The following COQ8A variants were observed in gnomAD, a reference collection of about 807,000 sequenced individuals.
The protein encoded by COQ8A is atypical kinase COQ8A, mitochondrial.
Under a neutral mutation model 65.0 loss-of-function variants are expected in COQ8A, and 51 were observed. That is an observed-to-expected ratio of 0.78 (90% CI 0.63 to 0.99). The LOEUF (loss-of-function observed/expected upper bound fraction) is 0.99. COQ8A is among the 50% of genes least tolerant of loss of function. The pLI, the probability that COQ8A is intolerant of heterozygous loss-of-function variation, is 0.00. For missense variants in COQ8A, 940 were observed against 875.0 expected, an observed-to-expected ratio of 1.07 and a Z score of -0.94; for synonymous variants, 371 against 353.2, an observed-to-expected ratio of 1.05 and a Z score of -0.57.
chr1:226,984,036 G>C lies in COQ8A; in HGVS notation c.1257-58G>C, dbSNP rs1574184. ...TCTGCCTGGTTGGGGGGTGTGTGTGGGGGGGGGGACGGTGTGGAGGGCCTG... is the reference window on the plus strand; with the variant it reads ...TCTGCCTGGTTGGGGGGTGTGTGTGCGGGGGGGGACGGTGTGGAGGGCCTG... On this transcript the variant is annotated intron_variant, in intron 10 of 14. Transcript: ENST00000366777. 3.0e-5 allele frequency: 42 copies of C among 1,399,760 alleles called. No homozygotes were observed. The South Asian group carries it at 4.8e-4, about 16-fold the overall frequency. The allele number at this position is 1,399,760 out of a possible 1,614,324, so 86.7% of individuals were successfully genotyped here. A position where few individuals can be genotyped will look rare whatever the true frequency, so the allele number is the denominator to read the frequency against.
chr1:226,970,594 T>C lies in COQ8A; in HGVS notation c.655+4857T>C, dbSNP rs550341144. Among the ~76,000 whole-genome samples the C allele has an allele frequency of 5.2e-5, 8 of 152,392 alleles. No homozygotes were observed. In the South Asian group the frequency reaches 6.2e-4, roughly 12 times the overall value. Reference sequence around the variant, plus strand: ...CATGTTCTCTCTTTGTTAGCTCTTATGTTTTACATTCCTTTACGGTTCTTT... The same window carrying C: ...CATGTTCTCTCTTTGTTAGCTCTTACGTTTTACATTCCTTTACGGTTCTTT... On this transcript the variant is annotated intron_variant, in intron 4 of 14. Transcript: ENST00000366777.
intron 2 of COQ8A, among the ~76,000 whole-genome samples, chr1:226,963,450 C>G (rs1658377212): frequency 6.6e-6 from 1 of 152,178 alleles, no homozygotes. Context: ...CCCCACTGGC[C>G]TTGGGCTTCC....
intron 5 of COQ8A, 27 bp downstream of exon 5, chr1:226,977,550 GC>G (rs1466922685): frequency 6.5e-7 from 1 of 1,548,170 alleles, no homozygotes; most frequent in African/African-American, 1.4e-5. Flanking sequence ...AGTGGGAGGG[GC>G]AGGGTGGGCC....
intron 1 of COQ8A, among the ~76,000 whole-genome samples, chr1:226,943,174 A>G (rs1374737109): frequency 2.6e-5 from 4 of 152,246 alleles, no homozygotes; most frequent in Non-Finnish European, 5.9e-5. Flanking sequence ...AAAGAAGGCT[A>G]TTATTGGGAA....
rs554170844 is a variant in COQ8A at position 226,970,253 on chromosome 1, C to T, written c.655+4516C>T. ...AAGGCATGAGCCACCGCACCTGGCC[C>T]TCATGTGTGTCTTAACAAGGATTCA... On this transcript the variant is annotated intron_variant, in intron 4 of 14. Coordinates refer to ENST00000366777, the MANE Select transcript of COQ8A (RefSeq NM_020247.5). Among the ~76,000 whole-genome samples the T allele has an allele frequency of 5.3e-5, 8 of 152,308 alleles. No homozygotes were observed. The South Asian group carries it at 1.2e-3, about 24-fold the overall frequency.
chr1:226,956,544 C>G (rs1414506852), intron 1 of COQ8A, among the ~76,000 whole-genome samples: 1 of 94,954 alleles, frequency 1.1e-5, no homozygotes, highest in Non-Finnish European at 2.1e-5. Flanking sequence ...TCACACTCTC[C>G]CTGGCTCCCA....
chr1:226,979,533 G>C (rs1308244614), intron 5 of COQ8A, among the ~76,000 whole-genome samples: 1 of 152,186 alleles, frequency 6.6e-6, no homozygotes, highest in East Asian at 1.9e-4. Context: ...CCCATTCAGG[G>C]AATGTCAGCT....
At chr1:226,985,460 CTTGGG>C in intron 14 of COQ8A, 120 bp downstream of exon 14, 1 of 1,138,416 alleles carries the variant, frequency 8.8e-7, no homozygotes, top group Non-Finnish European at 1.3e-6. Context: ...CCCGGGCCTC[CTTGGG>C]CACGGTCTGA....
chr1:226,961,616 A>C, intron 2 of COQ8A, 54 bp downstream of exon 2: 1 of 1,560,688 alleles, frequency 6.4e-7, no homozygotes, highest in Non-Finnish European at 8.7e-7. Context: ...TGGGACCTGG[A>C]GCTCTGGGGG....
intron 3 of COQ8A, 42 bp downstream of exon 3, chr1:226,965,452 C>T (rs773666159): frequency 6.3e-7 from 1 of 1,591,978 alleles, no homozygotes; most frequent in Non-Finnish European, 8.5e-7. Flanking sequence ...TAGCTGCCAC[C>T]CACAGCAGTG....
intron 4 of COQ8A, among the ~76,000 whole-genome samples, chr1:226,973,779 T>C (rs1167209436): frequency 6.6e-6 from 1 of 152,218 alleles, no homozygotes; most frequent in East Asian, 1.9e-4. Context: ...GGCTGCTGCA[T>C]TTTCTGTGGG....
intron 4 of COQ8A, among the ~76,000 whole-genome samples, chr1:226,973,831 A>G (rs1456178155): frequency 6.6e-6 from 1 of 152,238 alleles, no homozygotes; most frequent in Non-Finnish European, 1.5e-5. Context: ...ATGCCTCAGT[A>G]AAAGCTGGGC....
At chr1:226,947,484 T>C (rs1285360114) in intron 1 of COQ8A, among the ~76,000 whole-genome samples, 1 of 152,194 alleles carries the variant, frequency 6.6e-6, no homozygotes. Context: ...ATATTAAACC[T>C]GAAGTAAAAG....
chr1:226,960,298 T>TTGGTGGTGGTGATGGTACTTGG (rs1658101002), intron 1 of COQ8A, among the ~76,000 whole-genome samples: 3 of 141,250 alleles, frequency 2.1e-5, no homozygotes, highest in Admixed American at 7.0e-5. Context: ...GTGGTGGTAC[T>TTGGTGGTGGTGATGGTACTTGG]TGGTGGTGGT....
At chr1:226,962,073 A>G (rs916622542) in intron 2 of COQ8A, among the ~76,000 whole-genome samples, 7 of 152,294 alleles carry the variant, frequency 4.6e-5, no homozygotes, top group Non-Finnish European at 7.4e-5. Flanking sequence ...GAGACACACA[A>G]TGCAGTTTTT....
intron 1 of COQ8A, among the ~76,000 whole-genome samples, chr1:226,959,068 G>A (rs1657991283): frequency 6.6e-6 from 1 of 152,212 alleles, no homozygotes; most frequent in African/African-American, 2.4e-5. Flanking sequence ...GATTTGCAGC[G>A]AAATTGTGGG....
At chr1:226,942,318 C>T (rs1013155712) in intron 1 of COQ8A, among the ~76,000 whole-genome samples, 3 of 151,840 alleles carry the variant, frequency 2.0e-5, no homozygotes, top group African/African-American at 7.3e-5. Context: ...TACCTGTGCA[C>T]CTAGGAGGGC....
Position 226,965,001 on chromosome 1 carries a change from G to A in COQ8A, c.179G>A (p.Gly60Asp), listed in dbSNP as rs754837883. The change falls in exon 3 of 15, where the codon GGT becomes GAT. Residue 60 changes from glycine to aspartate, a missense_variant and splice_region_variant. By Grantham distance (94) the Gly-to-Asp change is moderately conservative. Transcript: ENST00000366777. ...AATGCTGGCCTTTGCTCCCTGCAGG[G>A]TCAGGATAAACATGAAGAATATTTT... ...QIGMFLGKVQ[G>D]QDKHEEYFAE... The A allele has an allele frequency of 1.1e-5, 17 of 1,613,824 alleles. No individual in the cohort carries two copies. Among genetic ancestry groups the A allele is most frequent in the Non-Finnish European group, 1.4e-5 (17 of 1,180,048 alleles).
intron 1 of COQ8A, among the ~76,000 whole-genome samples, chr1:226,955,706 A>ACT (rs1452963065): frequency 8.1e-5 from 5 of 61,750 alleles, no homozygotes; most frequent in East Asian, 9.7e-4. Flanking sequence ...CCTGGCTCCC[A>ACT]CTCCCTGGTT....
Sources: allele counts gnomAD v4.1 joint callset (sites outside exome capture counted in the v4.1 genomes callset), GRCh38; gene constraint gnomAD v4.1.1; transcripts MANE v1.5; gene names NCBI Gene and HGNC (gene_info 2026-07-23, HGNC 2026-07-21).